RAD51B: variants seen among roughly 807,000 people sequenced by gnomAD.
RAD51B encodes DNA repair protein RAD51 homolog 2.
A neutral mutation model predicts 42.2 loss-of-function variants in RAD51B; 38 were observed. The observed-to-expected ratio is 0.90, with a 90% CI of 0.70 to 1.18. The LOEUF (loss-of-function observed/expected upper bound fraction) is 1.18, where lower values mean the gene tolerates loss of function less well. Among genes scored for constraint, RAD51B ranks in the 50% most tolerant of loss-of-function variants. RAD51B has a pLI of 0.00. For synonymous variants in RAD51B, 154 were observed against 145.2 expected (o/e 1.06, Z -0.43); for missense variants, 373 against 400.7 (o/e 0.93, Z 0.59).
intron 5 of RAD51B, among the ~76,000 whole-genome samples, chr14:67,877,428 A>G (rs1426085190): frequency 1.3e-5 from 2 of 152,116 alleles, no homozygotes; most frequent in Non-Finnish European, 2.9e-5. Flanking sequence ...TGACTCCGAG[A>G]AAAGATCCAA....
intron 9 of RAD51B, among the ~76,000 whole-genome samples, chr14:68,423,544 G>T (rs1566875020): frequency 6.6e-6 from 1 of 152,016 alleles, no homozygotes; most frequent in East Asian, 1.9e-4. Flanking sequence ...GGTTCTAAGG[G>T]GCAAAGCCAG....
intron 7 of RAD51B, among the ~76,000 whole-genome samples, chr14:68,144,822 G>A (rs35050678): frequency 0.014 from 2,176 of 152,160 alleles, 49 homozygotes; most frequent in African/African-American, 0.049. Flanking sequence ...AGATGAATTT[G>A]TTTGCTAAAA....
At chr14:68,671,413 G>A (rs1893155115) in intron 11 of RAD51B, among the ~76,000 whole-genome samples, 2 of 152,042 alleles carry the variant, frequency 1.3e-5, no homozygotes, top group South Asian at 4.1e-4. Context: ...CCCCTATGTG[G>A]ATTCACCTTG....
chr14:68,371,306 C>T (rs1233493112), intron 8 of RAD51B, among the ~76,000 whole-genome samples: 3 of 152,012 alleles, frequency 2.0e-5, no homozygotes, highest in Non-Finnish European at 4.4e-5. Flanking sequence ...ATCACAAGGT[C>T]AAGAGATGGA....
intron 7 of RAD51B, among the ~76,000 whole-genome samples, chr14:68,101,038 G>A (rs1316149599): frequency 1.3e-5 from 2 of 152,198 alleles, no homozygotes; most frequent in Non-Finnish European, 2.9e-5. Context: ...ATGGTGGCAG[G>A]AGAGAGAAGA....
At chr14:68,563,837 C>T in intron 10 of RAD51B, 4 of 985,432 alleles carry the variant, frequency 4.1e-6, no homozygotes, top group Non-Finnish European at 4.8e-6. Flanking sequence ...GCTTTTTTAC[C>T]TCCTCTTGAA....
At chr14:67,822,596 G>T (rs536965321) in intron 1 of RAD51B, among the ~76,000 whole-genome samples, 3 of 152,030 alleles carry the variant, frequency 2.0e-5, no homozygotes, top group African/African-American at 7.2e-5. Flanking sequence ...GGTGGTGCAC[G>T]CTTGTGGTCC....
chr14:68,321,149 A>G (rs2082150433), intron 8 of RAD51B, among the ~76,000 whole-genome samples: 1 of 152,162 alleles, frequency 6.6e-6, no homozygotes, highest in South Asian at 2.1e-4. Flanking sequence ...CTAAAAGGAA[A>G]TTGAAACCCT....
At chr14:67,863,515 C>G (rs2042228160) in intron 4 of RAD51B, among the ~76,000 whole-genome samples, 1 of 152,102 alleles carries the variant, frequency 6.6e-6, no homozygotes, top group Non-Finnish European at 1.5e-5. Context: ...TCATGAATCA[C>G]TCCTACTTAT....
intron 10 of RAD51B, among the ~76,000 whole-genome samples, chr14:68,648,046 TATAG>T (rs201058870): frequency 7.6e-6 from 1 of 132,370 alleles, no homozygotes; most frequent in Non-Finnish European, 1.6e-5. Context: ...TACACACGTA[TATAG>T]ATGTGTGTGT....
intron 7 of RAD51B, among the ~76,000 whole-genome samples, chr14:68,012,014 G>T (rs1400013727): frequency 2.0e-5 from 3 of 152,104 alleles, no homozygotes; most frequent in Non-Finnish European, 4.4e-5. Context: ...CTATGTGGAT[G>T]CCTGGAGAAG....
intron 7 of RAD51B, among the ~76,000 whole-genome samples, chr14:67,990,243 G>A (rs963365557): frequency 2.0e-5 from 3 of 151,872 alleles, no homozygotes; most frequent in Non-Finnish European, 4.4e-5. Flanking sequence ...TAATCCTCCC[G>A]CCTCACCTCT....
exon 11 of RAD51B, chr14:68,595,485 T>A: frequency 9.4e-7 from 1 of 1,066,690 alleles, no homozygotes. Flanking sequence ...CTAGCTTGAG[T>A]AGATTAAATT....
At chr14:67,875,877 A>T (rs770274025) in intron 5 of RAD51B, among the ~76,000 whole-genome samples, 1 of 152,242 alleles carries the variant, frequency 6.6e-6, no homozygotes, top group African/African-American at 2.4e-5. Context: ...GACCATTGAC[A>T]TATTGACATA....
At chr14:68,125,760 T>C (rs1450600399) in intron 7 of RAD51B, among the ~76,000 whole-genome samples, 1 of 151,836 alleles carries the variant, frequency 6.6e-6, no homozygotes, top group Non-Finnish European at 1.5e-5. Flanking sequence ...TTTTGTTTTG[T>C]TTTTTCAAAG....
chr14:68,169,513 G>A lies in RAD51B; in HGVS notation c.757-122371G>A, dbSNP rs977044566. On this transcript the variant is annotated intron_variant, in intron 7 of 10. Coordinates refer to ENST00000471583, the MANE Select transcript of RAD51B (RefSeq NM_133510.4). Reference sequence around the variant, plus strand: ...GTTTTATATCGTAAGTTGAGTACATGGGCATTTATTATTCTTTGAACTTTT... The same window carrying A: ...GTTTTATATCGTAAGTTGAGTACATAGGCATTTATTATTCTTTGAACTTTT... Among the ~76,000 whole-genome samples, 3 of 151,960 alleles carry A rather than the reference G, an allele frequency of 2.0e-5. 1 individual carries two copies. The East Asian group carries it at 5.8e-4, about 29-fold the overall frequency.
intron 8 of RAD51B, among the ~76,000 whole-genome samples, chr14:68,318,628 G>C (rs113926524): frequency 2.0e-5 from 3 of 152,178 alleles, no homozygotes; most frequent in African/African-American, 7.2e-5. Flanking sequence ...TCTACCTACC[G>C]TGTGGCCTTG....
At chr14:68,525,625 A>G (rs1456266605) in intron 10 of RAD51B, among the ~76,000 whole-genome samples, 1 of 152,116 alleles carries the variant, frequency 6.6e-6, no homozygotes, top group East Asian at 1.9e-4. Flanking sequence ...TTGACGAGTG[A>G]TGTTCCATTT....
intron 7 of RAD51B, among the ~76,000 whole-genome samples, chr14:68,228,346 T>TATTAGCTTAATGAAACTTTC (rs2080082531): frequency 1.3e-5 from 2 of 152,222 alleles, no homozygotes; most frequent in African/African-American, 4.8e-5. Flanking sequence ...AATGAAATTT[T>TATTAGCTTAATGAAACTTTC]ATTAGCTTAA....
Sources: gnomAD v4.1 joint callset for allele counts (sites outside exome capture counted in the v4.1 genomes callset) on GRCh38, gnomAD v4.1.1 for gene constraint, MANE v1.5 for transcripts, NCBI Gene and HGNC (gene_info 2026-07-23, HGNC 2026-07-21) for gene names.